The following SRGAP2C variants were observed in gnomAD, a reference collection of about 807,000 sequenced individuals.
SRGAP2C encodes the protein SLIT-ROBO Rho GTPase-activating protein 2C.
Under a neutral mutation model 25.1 loss-of-function variants are expected in SRGAP2C, and 15 were observed. The observed-to-expected ratio is 0.60, with a 90% CI of 0.40 to 0.92. The LOEUF is 0.92. Among genes scored for constraint, SRGAP2C ranks in the 40% least tolerant of loss-of-function variants. The probability of loss-of-function intolerance (pLI) is 0.00; values close to 1 mark genes in which losing one functional copy is unlikely to be tolerated. For synonymous variants in SRGAP2C, 44 were observed against 96.6 expected, an observed-to-expected ratio of 0.46 and a Z score of 3.19; for missense variants, 144 against 264.4, an observed-to-expected ratio of 0.54 and a Z score of 3.16.
At position 121,284,812 on chromosome 1, in the gene SRGAP2C, C is replaced by G; in HGVS notation, c.77C>G (p.Ala26Gly). 1 of 807,298 alleles carries G rather than the reference C, an allele frequency of 1.2e-6. No homozygotes were observed. 50.0% of individuals were successfully genotyped at this position (807,298 alleles called of 1,614,324 possible). ...CTTGTTTTTGTTGTAGAGATCCGTG[C>G]TCAGCTCACAGAGCAGATGAAATGC... ...EYDTQVKEIR[A>G]QLTEQMKCLD... The change falls in exon 3 of 10, where the codon GCT becomes GGT. Residue 26 changes from alanine (A) to glycine (G), a missense_variant. Physicochemically the swap from Ala to Gly is moderately conservative, Grantham distance 60 (BLOSUM62 0). Around this residue, in one of 5 missense-constraint regions of SRGAP2C, gnomAD observed 17 missense variants for 40.3 expected, o/e 0.42. Coordinates refer to ENST00000367123, the MANE Select transcript of SRGAP2C (RefSeq NM_001329984.2).
chr1:121,323,436 T>C (rs1343706485), intron 3 of SRGAP2C, among the ~76,000 whole-genome samples: 10 of 150,644 alleles, frequency 6.6e-5, no homozygotes, highest in Admixed American at 4.6e-4. Context: ...GTCAACATGG[T>C]GAAAACCCAT....
chr1:121,371,035 G>A lies in SRGAP2C; in HGVS notation c.487-2936G>A, dbSNP rs868969774. ...GAGCAGAGCTAAATATGTGATTTCA[G>A]TGTTTAGTTTTTCAAAGTAAAGTGG... On this transcript the variant is annotated intron_variant, in intron 5 of 9. Coordinates refer to ENST00000367123, the MANE Select transcript of SRGAP2C (RefSeq NM_001329984.2). Among the ~76,000 whole-genome samples the A allele has an allele frequency of 3.6e-4, 55 of 151,992 alleles. 1 individual carries two copies. Among genetic ancestry groups the A allele is most frequent in the Admixed American group, 3.9e-4 (6 of 15,246 alleles).
chr1:121,273,058 T>C (rs1657013151), intron 2 of SRGAP2C, among the ~76,000 whole-genome samples: 1 of 148,622 alleles, frequency 6.7e-6, no homozygotes, highest in Non-Finnish European at 1.5e-5. Flanking sequence ...AAAATCCAAG[T>C]TTTTCTGAAT....
chr1:121,314,918 G>C lies in SRGAP2C; in HGVS notation c.261-9560G>C, dbSNP rs1190788885. On this transcript the variant is annotated intron_variant, in intron 3 of 9. Transcript: ENST00000367123. ...GAGCTGTTCCTATTCGGCCATATTG[G>C]CTCCTCCCCCCTACACTGAATCATT... is the stretch of plus-strand genomic sequence containing the variant. The C allele has an allele frequency of 2.0e-4, 146 of 726,522 alleles. 1 individual carries two copies. In the African/African-American group the frequency reaches 2.5e-3, roughly 12 times the overall value. The allele number at this position is 726,522 out of a possible 1,614,324, so 45.0% of individuals were successfully genotyped here.
intron 2 of SRGAP2C, among the ~76,000 whole-genome samples, chr1:121,257,970 G>C (rs1223598760): frequency 7.0e-6 from 1 of 143,224 alleles, no homozygotes; most frequent in East Asian, 2.2e-4. Flanking sequence ...GGGGTGGGGG[G>C]GTGGGGTAGG....
intron 2 of SRGAP2C, among the ~76,000 whole-genome samples, chr1:121,263,369 T>C: frequency 7.5e-6 from 1 of 133,284 alleles, no homozygotes; most frequent in Non-Finnish European, 1.6e-5. Context: ...AGGCGGTGCT[T>C]GCGGTGAGCA....
At chr1:121,278,183 G>A (rs1657155460) in intron 2 of SRGAP2C, among the ~76,000 whole-genome samples, 1 of 151,950 alleles carries the variant, frequency 6.6e-6, no homozygotes, top group Admixed American at 6.6e-5. Flanking sequence ...CTGAGCTCTA[G>A]TAATCGGCCC....
At chr1:121,370,544 C>T (rs1263415933) in intron 5 of SRGAP2C, among the ~76,000 whole-genome samples, 2 of 144,710 alleles carry the variant, frequency 1.4e-5, no homozygotes, top group Non-Finnish European at 3.1e-5. Context: ...CAGGTTCATG[C>T]CATTCTCCTG....
intron 2 of SRGAP2C, among the ~76,000 whole-genome samples, chr1:121,276,848 C>T (rs1657120519): frequency 1.6e-5 from 1 of 61,132 alleles, no homozygotes; most frequent in Admixed American, 1.7e-4. Context: ...GATTCTCCTG[C>T]CTCACCCTCC....
Position 121,392,139 on chromosome 1 carries a change from TG to T in SRGAP2C, c.*4285del, listed in dbSNP as rs1282232690. 6.6e-6 allele frequency: 1 copy of T among 152,176 alleles called. No individual in the cohort carries two copies. Among genetic ancestry groups the T allele is most frequent in the Non-Finnish European group, 1.5e-5 (1 of 68,010 alleles). The allele number at this position is 152,176 out of a possible 1,614,324, so 9.4% of individuals were successfully genotyped here. A position where few individuals can be genotyped will look rare whatever the true frequency, so the allele number is the denominator to read the frequency against. ...AGAAGAAAATGGAAAATACTGTCTCTGAGAAACAGAAAGAATAAAAAATAAA... is the reference window on the plus strand; with the variant it reads ...AGAAGAAAATGGAAAATACTGTCTCTAGAAACAGAAAGAATAAAAAATAAA... On this transcript the variant is annotated 3_prime_UTR_variant, in exon 10 of 10. Transcript: ENST00000367123.
chr1:121,322,783 A>G (rs1167801401), intron 3 of SRGAP2C, among the ~76,000 whole-genome samples: 2 of 151,298 alleles, frequency 1.3e-5, no homozygotes, highest in Non-Finnish European at 3.0e-5. Flanking sequence ...ATAGAATTGG[A>G]AAAGCCTTCT....
intron 3 of SRGAP2C, among the ~76,000 whole-genome samples, chr1:121,303,324 CA>C (rs1657741423): frequency 8.0e-6 from 1 of 125,300 alleles, no homozygotes; most frequent in Non-Finnish European, 1.7e-5. Context: ...TTATTTTATT[CA>C]ACAGGTTATA....
chr1:121,372,879 GCACACA>G lies in SRGAP2C; in HGVS notation c.487-1071_487-1066del, dbSNP rs199523525. Among the ~76,000 whole-genome samples the G allele has an allele frequency of 6.0e-3, 380 of 63,148 alleles. 35 individuals are homozygous for G. The highest frequency in any genetic ancestry group is 0.022 in the African/African-American group (341 of 15,674). The allele number at this position is 63,148 out of a possible 152,430, so 41.4% of individuals were successfully genotyped here. A position where few individuals can be genotyped will look rare whatever the true frequency, so the allele number is the denominator to read the frequency against. On this transcript the variant is annotated intron_variant, in intron 5 of 9. Coordinates refer to ENST00000367123, the MANE Select transcript of SRGAP2C (RefSeq NM_001329984.2). ...GCACTCCTGTGTTACACACACACAT[GCACACA>G]CACACACACACACACACACATGCAC...
At chr1:121,268,782 C>CG (rs1656869733) in intron 2 of SRGAP2C, among the ~76,000 whole-genome samples, 1 of 101,824 alleles carries the variant, frequency 9.8e-6, no homozygotes, top group Admixed American at 1.1e-4. Flanking sequence ...AGTTCAGGTT[C>CG]GGGCATGTTA....
At chr1:121,361,686 C>G (rs1172392820) in intron 4 of SRGAP2C, 1 of 151,846 alleles carries the variant, frequency 6.6e-6, no homozygotes, top group South Asian at 2.1e-4. Context: ...ATAAGAGATC[C>G]CAGCCTGAGC....
At chr1:121,217,749 AGTGTGTGGAATCTTGTTAT>A (rs1311362973) in intron 2 of SRGAP2C, among the ~76,000 whole-genome samples, 1 of 152,204 alleles carries the variant, frequency 6.6e-6, no homozygotes, top group East Asian at 1.9e-4. Context: ...GTTCTGTTTC[AGTGTGTGGAATCTTGTTAT>A]GTGGTATAGA....
intron 4 of SRGAP2C, among the ~76,000 whole-genome samples, chr1:121,345,620 G>A (rs1221477419): frequency 2.0e-5 from 3 of 150,682 alleles, no homozygotes; most frequent in African/African-American, 4.9e-5. Flanking sequence ...TAGATTAACA[G>A]GCATCTATAT....
At position 121,365,775 on chromosome 1, in the gene SRGAP2C, G is replaced by A. The variant is rs1659300315; in HGVS notation, c.486+420G>A. On this transcript the variant is annotated intron_variant, in intron 5 of 9. Transcript: ENST00000367123. ...GTTTTTCATCAGATCTTGGATTGATGTATGGCTTTGAGACTAGAACAAATG... is the reference window on the plus strand; with the variant it reads ...GTTTTTCATCAGATCTTGGATTGATATATGGCTTTGAGACTAGAACAAATG... Among the ~76,000 whole-genome samples, 3 of 92,086 alleles carry A rather than the reference G, an allele frequency of 3.3e-5. 1 individual carries two copies. The highest frequency in any genetic ancestry group is 2.3e-4 in the Admixed American group (2 of 8,822). The allele number at this position is 92,086 out of a possible 152,430, so 60.4% of individuals were successfully genotyped here. A position where few individuals can be genotyped will look rare whatever the true frequency, so the allele number is the denominator to read the frequency against.
At chr1:121,267,429 T>C (rs1383348457) in intron 2 of SRGAP2C, among the ~76,000 whole-genome samples, 1 of 150,034 alleles carries the variant, frequency 6.7e-6, no homozygotes, top group East Asian at 2.0e-4. Flanking sequence ...TGGCCTCAAG[T>C]GATCTGCCTG....
Sources: allele counts gnomAD v4.1 joint callset (sites outside exome capture counted in the v4.1 genomes callset), GRCh38; gene constraint gnomAD v4.1.1; regional missense constraint gnomAD v4.1.1; transcripts MANE v1.5; gene names NCBI Gene and HGNC (gene_info 2026-07-23, HGNC 2026-07-21).